The following GAB3 variants were observed in gnomAD, a reference collection of about 807,000 sequenced individuals.
The protein encoded by GAB3 is GRB2-associated-binding protein 3.
Under a neutral mutation model 40.4 loss-of-function variants are expected in GAB3, and 12 were observed. That is an observed-to-expected ratio of 0.30 (90% CI 0.19 to 0.48). The LOEUF is 0.48. Ranked by LOEUF, GAB3 falls within the 20% of genes least tolerant of loss-of-function variation. The pLI, the probability that GAB3 is intolerant of heterozygous loss-of-function variation, is 0.99. For synonymous variants in GAB3, 154 were observed against 176.7 expected, an observed-to-expected ratio of 0.87 and a Z score of 1.02; for missense variants, 381 against 461.9, an observed-to-expected ratio of 0.82 and a Z score of 1.61.
intron 1 of GAB3, among the ~76,000 whole-genome samples, chrX:154,743,054 A>G (rs2071469233): frequency 9.3e-6 from 1 of 107,858 alleles, no homozygotes; most frequent in African/African-American, 3.4e-5. Context: ...AGCTGTCTTT[A>G]AAAACCACTG....
chrX:154,709,695 G>C (rs1020542315), intron 4 of GAB3, among the ~76,000 whole-genome samples: 2 of 110,758 alleles, frequency 1.8e-5, no homozygotes, highest in Middle Eastern at 4.6e-3. Flanking sequence ...ATCACTGGAT[G>C]AATGGATAAA....
chrX:154,749,479 G>A (rs2071579195), intron 1 of GAB3, among the ~76,000 whole-genome samples: 1 of 112,355 alleles, frequency 8.9e-6, no homozygotes, highest in African/African-American at 3.2e-5. Context: ...GGTGATGGGA[G>A]CAGGTTTTCT....
rs782288315 is a variant in GAB3, at chrX:154,749,456, A to T, written c.72+1498T>A. ...AGCACTACTGTGTGACAAAAGCCTC[A>T]CCTGCTCATGCAGGTGATGGGAGCA... On this transcript the variant is annotated intron_variant, in intron 1 of 9. Coordinates refer to ENST00000424127, the MANE Select transcript of GAB3 (RefSeq NM_001081573.3). Among the ~76,000 whole-genome samples the T allele has an allele frequency of 2.7e-5, 3 of 112,351 alleles. No individual in the cohort carries two copies. The East Asian group carries it at 8.3e-4, about 31-fold the overall frequency.
At chrX:154,747,074 CA>C (rs2071539910) in intron 1 of GAB3, among the ~76,000 whole-genome samples, 1 of 112,193 alleles carries the variant, frequency 8.9e-6, no homozygotes, top group Non-Finnish European at 1.9e-5. Flanking sequence ...GGTGTGATCT[CA>C]GCTCACTGCA....
intron 7 of GAB3, 133 bp downstream of exon 7, chrX:154,696,999 G>T: frequency 2.1e-6 from 1 of 482,506 alleles, no homozygotes. Context: ...AACAGCTCTT[G>T]CTCTCGATAA....
At chrX:154,686,948 G>C (rs919825119) in intron 8 of GAB3, among the ~76,000 whole-genome samples, 1 of 111,177 alleles carries the variant, frequency 9.0e-6, no homozygotes, top group African/African-American at 3.3e-5. Flanking sequence ...CCAGCACTTT[G>C]GGAGGCTGAG....
Position 154,699,473 on chromosome X carries a change from C to G in GAB3, c.1166G>C (p.Ser389Thr). Residue 389 changes from serine (S) to threonine (T), a missense_variant, in exon 6 of 10, where the codon AGT becomes ACT. Transcript: ENST00000424127. ...CATGGGCACATAGCTGTCTTCGATA[C>G]TGGCTGAAGCTGTGGGGTACATCGG... ...FSPMYPTASA[S>T]IEDSYVPMSP... 2.5e-6 allele frequency: 3 copies of G among 1,211,545 alleles called. No individual in the cohort carries two copies. Among genetic ancestry groups the G allele is most frequent in the South Asian group, 3.5e-5 (2 of 56,963 alleles).
intron 1 of GAB3, among the ~76,000 whole-genome samples, chrX:154,741,366 G>C (rs782011212): frequency 9.0e-6 from 1 of 111,725 alleles, no homozygotes; most frequent in East Asian, 2.8e-4. Context: ...ACATACCCAA[G>C]ACTGGGTAAT....
intron 4 of GAB3, among the ~76,000 whole-genome samples, chrX:154,704,295 TA>T: frequency 9.0e-6 from 1 of 111,161 alleles, no homozygotes; most frequent in Non-Finnish European, 1.9e-5. Flanking sequence ...GGATGGTTAA[TA>T]GATACACAAA....
chrX:154,689,555 A>C (rs1458526220), intron 8 of GAB3, among the ~76,000 whole-genome samples: 1 of 110,049 alleles, frequency 9.1e-6, no homozygotes, highest in Non-Finnish European at 1.9e-5. Flanking sequence ...GCTGATAAGC[A>C]ACTTCAGCAA....
chrX:154,717,325 T>G (rs1164205056), intron 1 of GAB3, among the ~76,000 whole-genome samples: 4 of 110,686 alleles, frequency 3.6e-5, no homozygotes, highest in Admixed American at 9.6e-5. Flanking sequence ...ATAATTCCTC[T>G]CGGGAGCATC....
intron 7 of GAB3, among the ~76,000 whole-genome samples, chrX:154,696,924 C>T (rs1167080983): frequency 8.9e-6 from 1 of 112,770 alleles, no homozygotes; most frequent in African/African-American, 3.2e-5. Context: ...TTCCCAACAG[C>T]ACACTAGTTC....
chrX:154,691,091 A>G (rs1371235018), intron 8 of GAB3, among the ~76,000 whole-genome samples: 1 of 110,746 alleles, frequency 9.0e-6, no homozygotes, highest in Non-Finnish European at 1.9e-5. Context: ...TGCAGCCATA[A>G]AAAATGATGA....
chrX:154,749,932 G>A (rs2071586253), intron 1 of GAB3, among the ~76,000 whole-genome samples: 1 of 113,200 alleles, frequency 8.8e-6, no homozygotes, highest in Non-Finnish European at 1.9e-5. Context: ...AATTTGGCCA[G>A]AAGAGGACAG....
intron 5 of GAB3, 93 bp from the exon 6 acceptor site, chrX:154,699,606 C>A: frequency 1.4e-6 from 1 of 697,980 alleles, no homozygotes; most frequent in Non-Finnish European, 2.1e-6. Context: ...GTTTCAGTTC[C>A]AAATTATCCA....
chrX:154,725,438 C>CTA (rs1249069876), intron 1 of GAB3, among the ~76,000 whole-genome samples: 1 of 110,952 alleles, frequency 9.0e-6, no homozygotes, highest in Non-Finnish European at 1.9e-5. Context: ...CAGTGCAGAG[C>CTA]TATGGCCTCT....
intron 2 of GAB3, among the ~76,000 whole-genome samples, chrX:154,714,698 ATAT>A (rs1557257263): frequency 8.9e-6 from 1 of 112,172 alleles, no homozygotes; most frequent in Non-Finnish European, 1.9e-5. Context: ...ATTGGGAAAC[ATAT>A]TATATATGTA....
At chrX:154,736,237 T>C (rs1355658671) in intron 1 of GAB3, among the ~76,000 whole-genome samples, 2 of 112,558 alleles carry the variant, frequency 1.8e-5, no homozygotes, top group African/African-American at 3.2e-5. Context: ...CGCAGGACAT[T>C]AGTCAACCTT....
At chrX:154,741,016 A>G (rs1557261155) in intron 1 of GAB3, among the ~76,000 whole-genome samples, 11 of 112,106 alleles carry the variant, frequency 9.8e-5, no homozygotes. Context: ...CTCCTATACT[A>G]TAATTCCCAC....
Sources: allele counts gnomAD v4.1 joint callset (sites outside exome capture counted in the v4.1 genomes callset), GRCh38; gene constraint gnomAD v4.1.1; transcripts MANE v1.5; gene names NCBI Gene and HGNC (gene_info 2026-07-23, HGNC 2026-07-21).